NTM: variants seen among roughly 807,000 people sequenced by gnomAD.
NTM encodes the protein neurotrimin.
Under a neutral mutation model 42.1 loss-of-function variants are expected in NTM, and 13 were observed. The observed-to-expected ratio is 0.31, with a 90% CI of 0.20 to 0.49. NTM has a LOEUF of 0.49. NTM is among the 20% of genes least tolerant of loss of function. NTM has a pLI of 0.99. For missense variants in NTM, 373 were observed against 452.8 expected, an observed-to-expected ratio of 0.82 and a Z score of 1.60; for synonymous variants, 187 against 179.2, an observed-to-expected ratio of 1.04 and a Z score of -0.35.
At chr11:131,860,040 C>T (rs2046470611) in intron 1 of NTM, among the ~76,000 whole-genome samples, 1 of 152,136 alleles carries the variant, frequency 6.6e-6, no homozygotes, top group African/African-American at 2.4e-5. Flanking sequence ...CTGCTGAGTG[C>T]AGAGAGCTTA....
intron 2 of NTM, among the ~76,000 whole-genome samples, chr11:131,921,154 T>TGA (rs2057166159): frequency 6.6e-6 from 1 of 152,202 alleles, no homozygotes; most frequent in Admixed American, 6.5e-5. Context: ...ATAAAAAAAT[T>TGA]ATATTGATGT....
chr11:132,065,528 T>A (rs1189132993), intron 2 of NTM, among the ~76,000 whole-genome samples: 3 of 152,170 alleles, frequency 2.0e-5, no homozygotes, highest in Non-Finnish European at 4.4e-5. Context: ...GATAATGATG[T>A]TTAGAAGACA....
intron 1 of NTM, chr11:131,660,270 G>T (rs2067820827): frequency 2.8e-6 from 1 of 351,810 alleles, no homozygotes; most frequent in Non-Finnish European, 5.7e-6. Flanking sequence ...TCAGGGTGCT[G>T]CAATAATGAG....
At chr11:131,715,935 TTAAAA>T (rs2077650560) in intron 1 of NTM, among the ~76,000 whole-genome samples, 1 of 152,224 alleles carries the variant, frequency 6.6e-6, no homozygotes, top group South Asian at 2.1e-4. Flanking sequence ...TTTTCATTAG[TTAAAA>T]TAAAGCTCCT....
rs556007057 is a variant in NTM at position 131,857,785 on chromosome 11, T to C, written c.83-53779T>C. On this transcript the variant is annotated intron_variant, in intron 1 of 8. Transcript: ENST00000683400. ...GTCTATGTTATTGTCTCCTAACTTG[T>C]CTCCTTATCTCCTGGCTCACCCACC... is the stretch of plus-strand genomic sequence containing the variant. Among the ~76,000 whole-genome samples the C allele has an allele frequency of 2.0e-3, 312 of 152,264 alleles. 1 individual carries two copies. Among genetic ancestry groups the C allele is most frequent in the Admixed American group, 3.5e-3 (53 of 15,298 alleles).
chr11:131,416,939 C>T (rs1947022733), intron 1 of NTM, among the ~76,000 whole-genome samples: 1 of 152,146 alleles, frequency 6.6e-6, no homozygotes. Context: ...ACTTGTTTTC[C>T]AGTCTCAATT....
At chr11:131,796,300 G>A (rs939732133) in intron 1 of NTM, 22 of 435,088 alleles carry the variant, frequency 5.1e-5, no homozygotes, top group African/African-American at 3.4e-4. Context: ...CTGTGCTGGT[G>A]TCTCAGGAGC....
chr11:132,046,297 T>A (rs974595535), intron 2 of NTM, among the ~76,000 whole-genome samples: 1 of 152,130 alleles, frequency 6.6e-6, no homozygotes, highest in African/African-American at 2.4e-5. Context: ...ACAAACCATA[T>A]TGTATTTATT....
At chr11:131,381,876 A>C (rs1942722514) in intron 1 of NTM, among the ~76,000 whole-genome samples, 1 of 152,192 alleles carries the variant, frequency 6.6e-6, no homozygotes, top group Admixed American at 6.5e-5. Flanking sequence ...AGAATAGGGC[A>C]AGTTCATCTC....
At chr11:131,695,604 GTT>G (rs921881298) in intron 1 of NTM, among the ~76,000 whole-genome samples, 1 of 152,156 alleles carries the variant, frequency 6.6e-6, no homozygotes, top group African/African-American at 2.4e-5. Context: ...GAAGTGGGGT[GTT>G]TTTCTCCTCC....
intron 4 of NTM, among the ~76,000 whole-genome samples, chr11:132,282,899 G>T (rs1353898926): frequency 6.7e-6 from 1 of 149,814 alleles, no homozygotes; most frequent in African/African-American, 2.5e-5. Context: ...AATAGATACA[G>T]GTTAAACAAC....
At chr11:131,550,144 A>G (rs1044834160) in intron 1 of NTM, among the ~76,000 whole-genome samples, 1 of 152,250 alleles carries the variant, frequency 6.6e-6, no homozygotes, top group African/African-American at 2.4e-5. Flanking sequence ...AGATAACGAC[A>G]TTAAATGTTT....
At chr11:131,949,227 G>A (rs143354216) in intron 2 of NTM, among the ~76,000 whole-genome samples, 4 of 152,250 alleles carry the variant, frequency 2.6e-5, no homozygotes, top group Non-Finnish European at 5.9e-5. Context: ...ATATTACTGC[G>A]TTTTCTTTAA....
At chr11:131,715,437 GT>G (rs942410871) in intron 1 of NTM, among the ~76,000 whole-genome samples, 1 of 152,104 alleles carries the variant, frequency 6.6e-6, no homozygotes, top group African/African-American at 2.4e-5. Context: ...GCCAATCACT[GT>G]TTGCCATTTT....
intron 1 of NTM, among the ~76,000 whole-genome samples, chr11:131,634,310 C>T (rs1417371230): frequency 6.6e-6 from 1 of 151,998 alleles, no homozygotes; most frequent in Non-Finnish European, 1.5e-5. Context: ...AACTATACTG[C>T]AGACGGCTTA....
intron 2 of NTM, among the ~76,000 whole-genome samples, chr11:132,136,990 G>C (rs987652020): frequency 6.6e-6 from 1 of 152,214 alleles, no homozygotes; most frequent in Admixed American, 6.5e-5. Flanking sequence ...CCCTTTTCTA[G>C]TGTGACTCCA....
chr11:131,907,762 C>T lies in NTM; in HGVS notation c.83-3802C>T, dbSNP rs565960127. Among the ~76,000 whole-genome samples, 8 of 152,200 alleles carry T rather than the reference C, an allele frequency of 5.3e-5. No homozygotes were observed. The South Asian group carries it at 1.7e-3, about 32-fold the overall frequency. On this transcript the variant is annotated intron_variant, in intron 1 of 8. Transcript: ENST00000683400. ...AATGAAATTGCTTTGAATGTCATCC[C>T]TTTTCATTAACTCGGATATGCTGGG...
intron 4 of NTM, among the ~76,000 whole-genome samples, chr11:132,293,032 C>A (rs1468690479): frequency 6.6e-6 from 1 of 151,898 alleles, no homozygotes; most frequent in Non-Finnish European, 1.5e-5. Flanking sequence ...GAGGTAAGAT[C>A]AAGAATATGA....
At chr11:131,977,312 C>T (rs2064551836) in intron 2 of NTM, among the ~76,000 whole-genome samples, 1 of 152,230 alleles carries the variant, frequency 6.6e-6, no homozygotes, top group South Asian at 2.1e-4. Context: ...ACGTGTTGTA[C>T]TGCCAAATTT....
Sources: allele counts gnomAD v4.1 joint callset (sites outside exome capture counted in the v4.1 genomes callset), GRCh38; gene constraint gnomAD v4.1.1; transcripts MANE v1.5; gene names NCBI Gene and HGNC (gene_info 2026-07-23, HGNC 2026-07-21).